Variants in PCDH15 observed in about 807,000 individuals in gnomAD.
PCDH15 encodes the protein protocadherin related 15, also known as protocadherin-15.
PCDH15 carries 129 observed loss-of-function variants against 178.5 expected under a neutral mutation model. That is an observed-to-expected ratio of 0.72 (90% CI 0.63 to 0.84). The LOEUF (loss-of-function observed/expected upper bound fraction) is 0.84, where lower values mean the gene tolerates loss of function less well. Ranked by LOEUF, PCDH15 falls within the 40% of genes least tolerant of loss-of-function variation. PCDH15 has a pLI of 0.00. For synonymous variants in PCDH15, 800 were observed against 732.0 expected (o/e 1.09, Z -1.50); for missense variants, 2,230 against 2,099.9 (o/e 1.06, Z -1.21).
At position 54,346,442 on chromosome 10, in the gene PCDH15, C is replaced by G. The variant is rs1214279337; in HGVS notation, c.517G>C (p.Asp173His). Residue 173 changes from aspartate to histidine, a missense_variant, in exon 6 of 38, where the codon GAC becomes CAC. Coordinates refer to ENST00000644397, the MANE Select transcript of PCDH15 (RefSeq NM_001384140.1). The part of the protein sequence containing the change: ...GTTIFTGFSG[D>H]NGATDIDDGP... ...TCATCTATATCTGTAGCTCCATTGT[C>G]TCCTGAAAATCCTGTGAATATTGTG... The G allele has an allele frequency of 1.2e-6, 2 of 1,613,776 alleles. No individual in the cohort carries two copies. Among genetic ancestry groups the G allele is most frequent in the Non-Finnish European group, 8.5e-7 (1 of 1,179,812 alleles).
chr10:54,286,507 C>T (rs777038501), intron 8 of PCDH15, among the ~76,000 whole-genome samples: 6 of 152,076 alleles, frequency 3.9e-5, no homozygotes, highest in Non-Finnish European at 8.8e-5. Flanking sequence ...ATAGATTCAT[C>T]AAGCAATGAT....
chr10:55,137,358 T>C (rs1043020849), intron 2 of PCDH15, among the ~76,000 whole-genome samples: 1 of 152,148 alleles, frequency 6.6e-6, no homozygotes, highest in African/African-American at 2.4e-5. Flanking sequence ...TATAGTAAAA[T>C]GCCGTATAGG....
chr10:54,766,494 T>C (rs1225672151), intron 1 of PCDH15, among the ~76,000 whole-genome samples: 3 of 151,590 alleles, frequency 2.0e-5, no homozygotes, highest in Non-Finnish European at 2.9e-5. Flanking sequence ...TTGTCAGGCA[T>C]AAGAGTTAAA....
chr10:55,613,735 T>C (rs1462994847), intron 2 of PCDH15, among the ~76,000 whole-genome samples: 3 of 152,174 alleles, frequency 2.0e-5, no homozygotes, highest in African/African-American at 7.2e-5. Context: ...AGTCATAGCC[T>C]CGTAGCTCAA....
At chr10:54,852,501 G>A (rs1246762336) in intron 3 of PCDH15, among the ~76,000 whole-genome samples, 1 of 152,162 alleles carries the variant, frequency 6.6e-6, no homozygotes, top group Non-Finnish European at 1.5e-5. Flanking sequence ...TGAGCTTTCT[G>A]CCAAAAGAGA....
At chr10:55,189,430 A>C (rs1839883530) in intron 1 of PCDH15, among the ~76,000 whole-genome samples, 2 of 151,874 alleles carry the variant, frequency 1.3e-5, no homozygotes, top group African/African-American at 4.8e-5. Context: ...AAATACTGAA[A>C]ATCAAACCAT....
At chr10:54,996,830 G>C (rs1251594356) in intron 2 of PCDH15, among the ~76,000 whole-genome samples, 1 of 152,104 alleles carries the variant, frequency 6.6e-6, no homozygotes, top group Non-Finnish European at 1.5e-5. Flanking sequence ...CAAACTGCTG[G>C]CTGGGCGCGG....
intron 2 of PCDH15, among the ~76,000 whole-genome samples, chr10:54,611,557 A>G (rs1296237554): frequency 2.6e-5 from 4 of 151,898 alleles, no homozygotes; most frequent in Admixed American, 2.0e-4. Flanking sequence ...TAGGAATCAC[A>G]CATGTTAAGG....
At chr10:54,550,207 T>C (rs2086397076) in intron 2 of PCDH15, among the ~76,000 whole-genome samples, 1 of 152,156 alleles carries the variant, frequency 6.6e-6, no homozygotes, top group African/African-American at 2.4e-5. Flanking sequence ...TTTTGTTTTG[T>C]TTTTGTTATC....
At chr10:55,410,845 G>C (rs117630395) in intron 2 of PCDH15, among the ~76,000 whole-genome samples, 1 of 152,044 alleles carries the variant, frequency 6.6e-6, no homozygotes, top group Non-Finnish European at 1.5e-5. Flanking sequence ...GTTCAAGCCG[G>C]TGTTTGCGTT....
intron 1 of PCDH15, among the ~76,000 whole-genome samples, chr10:55,289,341 T>C (rs1378389290): frequency 6.7e-6 from 1 of 149,388 alleles, no homozygotes; most frequent in East Asian, 2.0e-4. Flanking sequence ...AATAAAATCA[T>C]CTTGAAACAG....
At chr10:53,946,122 T>C (rs1290680693) in intron 23 of PCDH15, among the ~76,000 whole-genome samples, 2 of 152,048 alleles carry the variant, frequency 1.3e-5, no homozygotes, top group Non-Finnish European at 2.9e-5. Context: ...AAATCTACAA[T>C]GAGATATCAC....
chr10:55,342,911 G>A (rs1339955150), intron 2 of PCDH15, among the ~76,000 whole-genome samples: 1 of 152,118 alleles, frequency 6.6e-6, no homozygotes, highest in Non-Finnish European at 1.5e-5. Flanking sequence ...GCTGTGAGCT[G>A]TTTCTAGGAA....
chr10:54,043,123 G>C (rs2093584464), intron 18 of PCDH15, among the ~76,000 whole-genome samples: 1 of 152,062 alleles, frequency 6.6e-6, no homozygotes, highest in African/African-American at 2.4e-5. Flanking sequence ...GGGGAGCCTG[G>C]TTTAATGCCA....
At chr10:53,861,112 C>T (rs1481415828) in intron 27 of PCDH15, among the ~76,000 whole-genome samples, 1 of 152,072 alleles carries the variant, frequency 6.6e-6, no homozygotes, top group Non-Finnish European at 1.5e-5. Flanking sequence ...ATTCTACATC[C>T]TAACTCTGGT....
chr10:55,124,083 A>G (rs141493708), intron 2 of PCDH15, among the ~76,000 whole-genome samples: 29 of 152,310 alleles, frequency 1.9e-4, no homozygotes, highest in East Asian at 1.7e-3. Context: ...AGACACTAAT[A>G]CAAATCATAC....
At chr10:55,229,844 G>C (rs569750785) in intron 1 of PCDH15, among the ~76,000 whole-genome samples, 1 of 152,046 alleles carries the variant, frequency 6.6e-6, no homozygotes, top group Admixed American at 6.5e-5. Context: ...CCTGGTTTGG[G>C]ATTCCAGCTT....
At chr10:55,123,070 G>A (rs1837812674) in intron 2 of PCDH15, among the ~76,000 whole-genome samples, 1 of 151,786 alleles carries the variant, frequency 6.6e-6, no homozygotes, top group Admixed American at 6.6e-5. Flanking sequence ...AAAAAGGTAG[G>A]ATATCTATCT....
At chr10:54,821,121 C>T (rs966708325) in intron 3 of PCDH15, among the ~76,000 whole-genome samples, 4 of 151,930 alleles carry the variant, frequency 2.6e-5, no homozygotes, top group African/African-American at 9.7e-5. Context: ...TGTAACTAGC[C>T]CATGCTTTCC....
Sources: gnomAD v4.1 joint callset for allele counts (sites outside exome capture counted in the v4.1 genomes callset) on GRCh38, gnomAD v4.1.1 for gene constraint, MANE v1.5 for transcripts, NCBI Gene and HGNC (gene_info 2026-07-23, HGNC 2026-07-21) for gene names.